The following PHF14 variants were observed in gnomAD, a reference collection of about 807,000 sequenced individuals.
The protein encoded by PHF14 is PHD finger protein 14.
PHF14 carries 55 observed loss-of-function variants against 117.9 expected under a neutral mutation model. That is an observed-to-expected ratio of 0.47 (90% CI 0.38 to 0.58). The LOEUF (loss-of-function observed/expected upper bound fraction) is 0.58. Among genes scored for constraint, PHF14 ranks in the 20% least tolerant of loss-of-function variants. PHF14 has a pLI of 0.00. For synonymous variants in PHF14, 409 were observed against 368.6 expected (o/e 1.11, Z -1.26); for missense variants, 978 against 1,122.2 (o/e 0.87, Z 1.84).
At chr7:11,090,657 T>C (rs28458195) in intron 16 of PHF14, among the ~76,000 whole-genome samples, 4 of 152,208 alleles carry the variant, frequency 2.6e-5, no homozygotes, top group African/African-American at 9.7e-5. Context: ...TTTTTCCCTT[T>C]AAAAATAAGA....
intron 16 of PHF14, among the ~76,000 whole-genome samples, chr7:11,073,154 T>C (rs1422894296): frequency 6.6e-6 from 1 of 152,126 alleles, no homozygotes; most frequent in Non-Finnish European, 1.5e-5. Flanking sequence ...TTAACAGTCC[T>C]CCAAAGTCTT....
At chr7:11,161,920 G>C (rs756892064) in intron 17 of PHF14, among the ~76,000 whole-genome samples, 3 of 150,594 alleles carry the variant, frequency 2.0e-5, no homozygotes, top group Non-Finnish European at 4.4e-5. Context: ...GATATTAGTA[G>C]TTTACTACCT....
intron 16 of PHF14, among the ~76,000 whole-genome samples, chr7:11,075,534 AACTC>A (rs1426403594): frequency 6.6e-6 from 1 of 150,714 alleles, no homozygotes; most frequent in African/African-American, 2.4e-5. Context: ...AATTAACAAG[AACTC>A]ACTCATTCCC....
At chr7:10,987,756 A>G (rs892737736) in intron 3 of PHF14, among the ~76,000 whole-genome samples, 4 of 152,162 alleles carry the variant, frequency 2.6e-5, no homozygotes, top group African/African-American at 9.6e-5. Context: ...AAACCTTGAA[A>G]GATGATATAC....
intron 2 of PHF14, among the ~76,000 whole-genome samples, chr7:10,980,229 G>A (rs921271843): frequency 2.6e-5 from 4 of 152,024 alleles, no homozygotes; most frequent in African/African-American, 9.7e-5. Context: ...AGTTTTGATT[G>A]ATAAAAAGCC....
intron 16 of PHF14, among the ~76,000 whole-genome samples, chr7:11,073,548 A>G (rs1456080245): frequency 1.3e-5 from 2 of 152,176 alleles, no homozygotes; most frequent in Non-Finnish European, 2.9e-5. Context: ...GGTTGGAGTT[A>G]AATGCCTGTG....
intron 16 of PHF14, chr7:11,104,654 G>A (rs1354808628): frequency 4.1e-6 from 4 of 976,468 alleles, no homozygotes; most frequent in Non-Finnish European, 4.9e-6. Context: ...ATAGCAAGTA[G>A]TGGTTCTCAA....
chr7:11,103,609 C>T, intron 16 of PHF14: 6 of 984,566 alleles, frequency 6.1e-6, no homozygotes, highest in Non-Finnish European at 7.2e-6. Flanking sequence ...AAATTGTCAA[C>T]ATGTAATTTG....
intron 4 of PHF14, among the ~76,000 whole-genome samples, chr7:11,004,361 T>G (rs1416123022): frequency 6.7e-6 from 1 of 150,296 alleles, no homozygotes. Context: ...CTTTTTTTTT[T>G]TTTTTGGTTG....
chr7:11,156,922 G>A (rs969718354), intron 17 of PHF14, among the ~76,000 whole-genome samples: 5 of 152,146 alleles, frequency 3.3e-5, no homozygotes, highest in African/African-American at 4.8e-5. Context: ...TTGTTTTAAA[G>A]ATTCACAATA....
chr7:11,085,787 A>G (rs10279863), intron 16 of PHF14, among the ~76,000 whole-genome samples: 17,836 of 151,896 alleles, frequency 0.12, 1,225 homozygotes, highest in African/African-American at 0.19. Flanking sequence ...TTCAACTCCT[A>G]GGTTCAGTCC....
At chr7:10,994,895 T>G (rs1782578982) in intron 4 of PHF14, among the ~76,000 whole-genome samples, 1 of 152,158 alleles carries the variant, frequency 6.6e-6, no homozygotes, top group Non-Finnish European at 1.5e-5. Context: ...GCTTCCACAG[T>G]GTGGAAGGGG....
At chr7:11,048,461 A>C (rs986894629) in intron 13 of PHF14, among the ~76,000 whole-genome samples, 1 of 152,004 alleles carries the variant, frequency 6.6e-6, no homozygotes, top group Non-Finnish European at 1.5e-5. Context: ...AATCCCAGCT[A>C]CTCGGGAGGC....
At chr7:11,122,499 A>G (rs569113133) in intron 17 of PHF14, among the ~76,000 whole-genome samples, 1 of 146,294 alleles carries the variant, frequency 6.8e-6, no homozygotes, top group Admixed American at 6.9e-5. Flanking sequence ...CATACATATA[A>G]ATTCTTCAGA....
chr7:10,976,928 A>C (rs563920617), intron 2 of PHF14, among the ~76,000 whole-genome samples: 3 of 150,718 alleles, frequency 2.0e-5, no homozygotes, highest in Non-Finnish European at 3.0e-5. Context: ...TTGTATGTAT[A>C]GTTCTTGGTA....
chr7:10,982,823 C>A lies in PHF14; in HGVS notation c.564C>A (p.Asn188Lys). Residue 188 changes from asparagine (N) to lysine (K), a missense_variant, in exon 3 of 18, where the codon AAC becomes AAA. Asn to Lys is a moderately conservative substitution (Grantham distance 94). Transcript: ENST00000634607. ...SEPKKWNLRR[N>K]RPLLDFVSME... ...CAAAAAAATGGAACCTTCGACGAAA[C>A]CGACCACTTCTGGATTTTGTGTCCA... 6.2e-7 allele frequency: 1 copy of A among 1,613,906 alleles called. No individual in the cohort carries two copies. The highest frequency in any genetic ancestry group is 8.5e-7 in the Non-Finnish European group (1 of 1,179,864).
chr7:11,037,008 A>C lies in PHF14; in HGVS notation c.1897A>C (p.Ile633Leu). The C allele has an allele frequency of 6.6e-7, 1 of 1,514,546 alleles. No homozygotes were observed. The allele number at this position is 1,514,546 out of a possible 1,614,324, so 93.8% of individuals were successfully genotyped here. Residue 633 changes from isoleucine (I) to leucine (L), a missense_variant, in exon 10 of 18, where the codon ATT (isoleucine) becomes CTT (leucine). Coordinates refer to ENST00000634607, the MANE Select transcript of PHF14 (RefSeq NM_001007157.2). ...YFERNMRMIQ[I>L]QENMAEQKNI... is the part of the protein sequence containing the mutation. ...AGAGAGAAATATGCGCATGATTCAA[A>C]TTCAGGAAAATATGGCTGAACAAAA...
At chr7:10,988,604 GA>G (rs1202042398) in intron 3 of PHF14, among the ~76,000 whole-genome samples, 2 of 150,744 alleles carry the variant, frequency 1.3e-5, no homozygotes, top group African/African-American at 4.9e-5. Context: ...TTACCGTGGG[GA>G]TGATATTTAA....
intron 17 of PHF14, among the ~76,000 whole-genome samples, chr7:11,116,428 A>C (rs1313309414): frequency 6.6e-6 from 1 of 152,078 alleles, no homozygotes; most frequent in Non-Finnish European, 1.5e-5. Flanking sequence ...ATACGTATTC[A>C]TACACAGCCA....
Sources: allele counts gnomAD v4.1 joint callset (sites outside exome capture counted in the v4.1 genomes callset), GRCh38; gene constraint gnomAD v4.1.1; transcripts MANE v1.5; gene names NCBI Gene and HGNC (gene_info 2026-07-23, HGNC 2026-07-21).